LDLRAD4: variants seen among roughly 807,000 people sequenced by gnomAD.
LDLRAD4 encodes the protein low-density lipoprotein receptor class A domain-containing protein 4.
Under a neutral mutation model 17.0 loss-of-function variants are expected in LDLRAD4, and 5 were observed. That is an observed-to-expected ratio of 0.29 (90% CI 0.15 to 0.62). The LOEUF (loss-of-function observed/expected upper bound fraction) is 0.62. Ranked by LOEUF, LDLRAD4 falls within the 20% of genes least tolerant of loss-of-function variation. The probability of loss-of-function intolerance (pLI) is 0.84; values close to 1 mark genes in which losing one functional copy is unlikely to be tolerated. For missense variants in LDLRAD4, 340 were observed against 424.7 expected (o/e 0.80, Z 1.75); for synonymous variants, 168 against 171.8 (o/e 0.98, Z 0.17).
At chr18:13,542,668 C>T (rs1037403200) in intron 3 of LDLRAD4, among the ~76,000 whole-genome samples, 5 of 152,162 alleles carry the variant, frequency 3.3e-5, no homozygotes, top group Admixed American at 1.3e-4. Context: ...GGAGGCGGGG[C>T]GGGCGGAGGT....
chr18:13,444,846 T>C (rs2091281561), intron 3 of LDLRAD4, among the ~76,000 whole-genome samples: 1 of 152,222 alleles, frequency 6.6e-6, no homozygotes, highest in Non-Finnish European at 1.5e-5. Context: ...AAAAGGCTTT[T>C]GCTTGCAAGG....
At chr18:13,650,182 T>C (rs2043185451) in exon 6 of LDLRAD4, 4 of 399,468 alleles carry the variant, frequency 1.0e-5, no homozygotes, top group Non-Finnish European at 1.8e-5. Context: ...CATTCTTTAT[T>C]ACCCGGCACG....
chr18:13,405,740 C>A (rs1384073787), intron 2 of LDLRAD4, among the ~76,000 whole-genome samples: 1 of 152,044 alleles, frequency 6.6e-6, no homozygotes, highest in Non-Finnish European at 1.5e-5. Flanking sequence ...CGTGCCGAGC[C>A]CCTATGCGAG....
At chr18:13,628,700 G>T (rs2041389518) in intron 4 of LDLRAD4, among the ~76,000 whole-genome samples, 1 of 152,186 alleles carries the variant, frequency 6.6e-6, no homozygotes, top group Non-Finnish European at 1.5e-5. Flanking sequence ...CCAGCTGCAC[G>T]CAGATTCCCA....
In LDLRAD4 at chr18:13,622,777, C is replaced by A. The variant is rs1334923342; in HGVS notation, c.336+1506C>A. ...CATCACAGCAGCAGTTTCAGAACCGCAGAAGGCTCAGACATCGCTGCTTTG... is the reference window on the plus strand; with the variant it reads ...CATCACAGCAGCAGTTTCAGAACCGAAGAAGGCTCAGACATCGCTGCTTTG... On this transcript the variant is annotated intron_variant, in intron 4 of 5. Coordinates refer to ENST00000359446, the Ensembl canonical transcript of LDLRAD4. The surrounding 1 kb of genome is among the most constrained non-coding windows in gnomAD (Gnocchi z 5.3). Among the ~76,000 whole-genome samples the A allele has an allele frequency of 6.6e-6, 1 of 152,216 alleles. No homozygotes were observed. Among genetic ancestry groups the A allele is most frequent in the Non-Finnish European group, 1.5e-5 (1 of 68,032 alleles).
At chr18:13,458,642 G>A (rs1375012738) in intron 3 of LDLRAD4, among the ~76,000 whole-genome samples, 3 of 152,196 alleles carry the variant, frequency 2.0e-5, no homozygotes, top group Non-Finnish European at 4.4e-5. Context: ...TACCTTACTA[G>A]CAAAAGGGAC....
chr18:13,557,650 T>G (rs1022528202), intron 3 of LDLRAD4, among the ~76,000 whole-genome samples: 2 of 152,232 alleles, frequency 1.3e-5, no homozygotes, highest in African/African-American at 4.8e-5. Context: ...TCTGCCTACC[T>G]TGGCCTCCCA....
chr18:13,314,542 G>A (rs2080827073), intron 1 of LDLRAD4, among the ~76,000 whole-genome samples: 1 of 152,216 alleles, frequency 6.6e-6, no homozygotes, highest in South Asian at 2.1e-4. Context: ...CAACACTGGA[G>A]GGACCAGGTC....
chr18:13,562,677 C>T (rs2094554093), intron 3 of LDLRAD4, among the ~76,000 whole-genome samples: 1 of 152,192 alleles, frequency 6.6e-6, no homozygotes, highest in Non-Finnish European at 1.5e-5. Flanking sequence ...CCCCATTCTA[C>T]CCTCTGCTTC....
chr18:13,600,626 G>A (rs903713891), intron 3 of LDLRAD4, among the ~76,000 whole-genome samples: 2 of 152,202 alleles, frequency 1.3e-5, no homozygotes, highest in Non-Finnish European at 2.9e-5. Context: ...TCACCAAGAA[G>A]ACCATGTGTG....
At chr18:13,404,752 C>G (rs531869894) in intron 2 of LDLRAD4, among the ~76,000 whole-genome samples, 1 of 150,960 alleles carries the variant, frequency 6.6e-6, no homozygotes, top group African/African-American at 2.4e-5. Context: ...GAGCCGAGAT[C>G]GTGCCACTGC....
At chr18:13,642,162 A>G in intron 4 of LDLRAD4, 2 of 985,366 alleles carry the variant, frequency 2.0e-6, no homozygotes, top group Non-Finnish European at 2.4e-6. Flanking sequence ...GATGTCCCCG[A>G]GTATCTTAGG....
chr18:13,308,990 T>G (rs1278975402), intron 1 of LDLRAD4, among the ~76,000 whole-genome samples: 1 of 152,264 alleles, frequency 6.6e-6, no homozygotes, highest in East Asian at 1.9e-4. Context: ...TCATATACTT[T>G]GCTTTGGTCC....
At chr18:13,650,405 A>C in exon 6 of LDLRAD4, 1 of 398,856 alleles carries the variant, frequency 2.5e-6, no homozygotes, top group Non-Finnish European at 4.4e-6. Context: ...AGAGGGTTAG[A>C]GCTATAGAGA....
intron 3 of LDLRAD4, among the ~76,000 whole-genome samples, chr18:13,447,262 C>G (rs1024299283): frequency 7.2e-5 from 11 of 152,184 alleles, no homozygotes; most frequent in Non-Finnish European, 1.5e-4. Flanking sequence ...GATCAAGTTG[C>G]AGGGGCTGTC....
intron 3 of LDLRAD4, among the ~76,000 whole-genome samples, chr18:13,584,560 A>G (rs1244660815): frequency 2.0e-5 from 3 of 152,022 alleles, no homozygotes. Context: ...AGGAAGACTT[A>G]GCCAATGGAG....
intron 3 of LDLRAD4, among the ~76,000 whole-genome samples, chr18:13,529,485 G>A (rs1009819495): frequency 6.6e-6 from 1 of 152,204 alleles, no homozygotes; most frequent in African/African-American, 2.4e-5. Flanking sequence ...CTGTCGCGGT[G>A]CAAGACTTTT....
At chr18:13,585,498 G>A (rs1322100869) in intron 3 of LDLRAD4, 5 of 152,150 alleles carry the variant, frequency 3.3e-5, no homozygotes, top group South Asian at 4.1e-4. Context: ...AGCAAGCAGG[G>A]TCATTCTGAT....
chr18:13,316,349 CTT>C (rs1307485344), intron 1 of LDLRAD4, among the ~76,000 whole-genome samples: 1 of 152,192 alleles, frequency 6.6e-6, no homozygotes, highest in Non-Finnish European at 1.5e-5. Context: ...GAAAGTAACT[CTT>C]TTCCTAGAAT....
Sources: allele counts gnomAD v4.1 joint callset (sites outside exome capture counted in the v4.1 genomes callset), GRCh38; gene constraint gnomAD v4.1.1; non-coding constraint Gnocchi (gnomAD v3.1); transcripts MANE v1.5; gene names NCBI Gene and HGNC (gene_info 2026-07-23, HGNC 2026-07-21).